The following ZRANB3 variants were observed in gnomAD, a reference collection of about 807,000 sequenced individuals.
The protein encoded by ZRANB3 is DNA annealing helicase and endonuclease ZRANB3.
A neutral mutation model predicts 133.8 loss-of-function variants in ZRANB3; 125 were observed. The ratio of observed to expected loss-of-function variants is 0.93; its 90% CI spans 0.81 to 1.08. The LOEUF (loss-of-function observed/expected upper bound fraction) is 1.08. Among genes scored for constraint, ZRANB3 ranks in the 50% least tolerant of loss-of-function variants. ZRANB3 has a pLI of 0.00. For missense variants in ZRANB3, 1,229 were observed against 1,275.5 expected, an observed-to-expected ratio of 0.96 and a Z score of 0.56; for synonymous variants, 387 against 432.7, an observed-to-expected ratio of 0.89 and a Z score of 1.31.
At chr2:135,210,684 A>G (rs1023986000) in intron 17 of ZRANB3, among the ~76,000 whole-genome samples, 2 of 152,090 alleles carry the variant, frequency 1.3e-5, no homozygotes, top group African/African-American at 4.8e-5. Flanking sequence ...CTGTAATCCC[A>G]GCACTTTGGG....
chr2:135,253,837 C>T lies in ZRANB3; in HGVS notation c.1539+11697G>A, dbSNP rs569003370. Among the ~76,000 whole-genome samples, 10 of 152,280 alleles carry T rather than the reference C, an allele frequency of 6.6e-5. No homozygotes were observed. The South Asian group carries it at 2.1e-3, about 32-fold the overall frequency. Reference sequence around the variant, plus strand: ...ATGTGGTGTATGACTGTAATCCATTCCCAAGTAGCACTGCCTCCAAGAACT... The same window carrying T: ...ATGTGGTGTATGACTGTAATCCATTTCCAAGTAGCACTGCCTCCAAGAACT... On this transcript the variant is annotated intron_variant, in intron 12 of 20. Coordinates refer to ENST00000264159, the MANE Select transcript of ZRANB3 (RefSeq NM_032143.4).
intron 2 of ZRANB3, among the ~76,000 whole-genome samples, chr2:135,415,795 G>T (rs1688541177): frequency 6.6e-6 from 1 of 152,134 alleles, no homozygotes; most frequent in East Asian, 1.9e-4. Flanking sequence ...ATGCAAGGTT[G>T]GTTCAATATA....
At chr2:135,501,731 T>A (rs1298677376) in intron 2 of ZRANB3, among the ~76,000 whole-genome samples, 3 of 152,152 alleles carry the variant, frequency 2.0e-5, no homozygotes, top group Non-Finnish European at 4.4e-5. Context: ...AGGTCAGTTG[T>A]CTTGAAAAAA....
chr2:135,483,654 C>A (rs1207508269), intron 2 of ZRANB3, among the ~76,000 whole-genome samples: 1 of 152,038 alleles, frequency 6.6e-6, no homozygotes. Context: ...CTTCTGCTAG[C>A]TTTTGAATGT....
chr2:135,493,149 A>T (rs1279713005), intron 2 of ZRANB3, among the ~76,000 whole-genome samples: 1 of 67,962 alleles, frequency 1.5e-5, no homozygotes, highest in Non-Finnish European at 2.6e-5. Flanking sequence ...ATATATATAT[A>T]TATATATATA....
chr2:135,494,163 A>AGGG lies in ZRANB3; in HGVS notation c.161+10165_161+10166insCCC, dbSNP rs1559036378. ...GAAGGAAGGAAGGAAGGAAGGAAGGAAGGGAGGGAGGGAGGGAGGGAGGGA... is the reference window on the plus strand; with the variant it reads ...GAAGGAAGGAAGGAAGGAAGGAAGGAGGGAGGGAGGGAGGGAGGGAGGGAGGGA... On this transcript the variant is annotated intron_variant, in intron 2 of 20. Coordinates refer to ENST00000264159, the MANE Select transcript of ZRANB3 (RefSeq NM_032143.4). 6.5e-4 allele frequency among the ~76,000 whole-genome samples: 28 copies of AGGG among 43,222 alleles called. 1 individual carries two copies. Among genetic ancestry groups the AGGG allele is most frequent in the African/African-American group, 3.5e-3 (24 of 6,834 alleles). The allele number at this position is 43,222 out of a possible 152,430, so 28.4% of individuals were successfully genotyped here. A position where few individuals can be genotyped will look rare whatever the true frequency, so the allele number is the denominator to read the frequency against.
At chr2:135,390,572 GTTAATA>G (rs1687178661) in intron 3 of ZRANB3, among the ~76,000 whole-genome samples, 1 of 152,000 alleles carries the variant, frequency 6.6e-6, no homozygotes, top group African/African-American at 2.4e-5. Context: ...GGTCACTAAT[GTTAATA>G]TTAACATATG....
intron 2 of ZRANB3, among the ~76,000 whole-genome samples, chr2:135,403,846 T>C: frequency 6.6e-6 from 1 of 152,228 alleles, no homozygotes; most frequent in South Asian, 2.1e-4. Context: ...AAACAGGGCC[T>C]GGAGTGGACC....
intron 8 of ZRANB3, among the ~76,000 whole-genome samples, chr2:135,295,240 G>C (rs1681996592): frequency 6.6e-6 from 1 of 152,148 alleles, no homozygotes; most frequent in Non-Finnish European, 1.5e-5. Flanking sequence ...CTAAGGACTT[G>C]CTTTATGAAT....
At chr2:135,328,474 T>C (rs1259610524) in intron 6 of ZRANB3, among the ~76,000 whole-genome samples, 1 of 152,178 alleles carries the variant, frequency 6.6e-6, no homozygotes, top group Non-Finnish European at 1.5e-5. Flanking sequence ...GATGGACATT[T>C]GGTTTGGTTC....
At chr2:135,440,054 G>C (rs953768085) in intron 2 of ZRANB3, among the ~76,000 whole-genome samples, 2 of 152,136 alleles carry the variant, frequency 1.3e-5, no homozygotes, top group Admixed American at 1.3e-4. Context: ...GTATTGTTCA[G>C]AGCAGAACCA....
intron 2 of ZRANB3, among the ~76,000 whole-genome samples, chr2:135,441,982 A>G (rs1689800113): frequency 6.6e-6 from 1 of 152,126 alleles, no homozygotes; most frequent in African/African-American, 2.4e-5. Flanking sequence ...AATGAGGGAT[A>G]TATCGCCATA....
intron 8 of ZRANB3, among the ~76,000 whole-genome samples, chr2:135,296,224 G>A (rs563382543): frequency 1.3e-5 from 2 of 152,276 alleles, no homozygotes; most frequent in African/African-American, 2.4e-5. Context: ...CCAATCAGAC[G>A]TAGATTTGGT....
chr2:135,303,631 T>C (rs1682549245), intron 8 of ZRANB3, among the ~76,000 whole-genome samples: 1 of 152,182 alleles, frequency 6.6e-6, no homozygotes. Flanking sequence ...GTTTTGGCTA[T>C]AGTAAGTCCT....
At chr2:135,417,444 T>C (rs1574072630) in intron 2 of ZRANB3, among the ~76,000 whole-genome samples, 1 of 152,014 alleles carries the variant, frequency 6.6e-6, no homozygotes, top group East Asian at 1.9e-4. Flanking sequence ...TGGCAATCAT[T>C]AAAAAGTCAG....
chr2:135,350,251 C>T (rs1350218795), intron 4 of ZRANB3, 36 bp from the exon 5 acceptor site: 1 of 1,460,808 alleles, frequency 6.8e-7, no homozygotes, highest in Non-Finnish European at 9.3e-7. Flanking sequence ...AAAAATATCT[C>T]AGTAATGACG....
At chr2:135,496,713 T>C (rs1692690197) in intron 2 of ZRANB3, among the ~76,000 whole-genome samples, 1 of 152,188 alleles carries the variant, frequency 6.6e-6, no homozygotes, top group South Asian at 2.1e-4. Flanking sequence ...TAAATGTCCC[T>C]GTTCTCCAAT....
At chr2:135,370,168 T>A (rs943131493) in intron 3 of ZRANB3, among the ~76,000 whole-genome samples, 1 of 151,646 alleles carries the variant, frequency 6.6e-6, no homozygotes, top group East Asian at 1.9e-4. Context: ...TGTTCTATAA[T>A]CTTTTTTTTT....
chr2:135,456,466 A>G (rs1690523744), intron 2 of ZRANB3, among the ~76,000 whole-genome samples: 1 of 152,236 alleles, frequency 6.6e-6, no homozygotes, highest in African/African-American at 2.4e-5. Context: ...AGAGTAAGAA[A>G]CAAATTTTGG....
Sources: gnomAD v4.1 joint callset for allele counts (sites outside exome capture counted in the v4.1 genomes callset) on GRCh38, gnomAD v4.1.1 for gene constraint, MANE v1.5 for transcripts, NCBI Gene and HGNC (gene_info 2026-07-23, HGNC 2026-07-21) for gene names.